The following DCC variants were observed in gnomAD, a reference collection of about 807,000 sequenced individuals.
The protein encoded by DCC is DCC netrin 1 receptor, also known as netrin receptor DCC.
In DCC, 58 loss-of-function variants were observed where a neutral mutation model predicts 172.5. That is an observed-to-expected ratio of 0.34 (90% confidence interval 0.27 to 0.42). The LOEUF (loss-of-function observed/expected upper bound fraction) is 0.42, where lower values mean the gene tolerates loss of function less well. DCC is among the 10% of genes least tolerant of loss of function. DCC has a pLI of 1.00. For synonymous variants in DCC, 709 were observed against 644.5 expected, an observed-to-expected ratio of 1.10 and a Z score of -1.52; for missense variants, 1,740 against 1,791.0, an observed-to-expected ratio of 0.97 and a Z score of 0.51.
At chr18:53,043,394 A>T (rs1339724396) in intron 5 of DCC, among the ~76,000 whole-genome samples, 1 of 151,954 alleles carries the variant, frequency 6.6e-6, no homozygotes, top group Non-Finnish European at 1.5e-5. Context: ...GCAAACCACC[A>T]TGGCACATGT....
intron 27 of DCC, among the ~76,000 whole-genome samples, chr18:53,523,971 A>G (rs1279313684): frequency 6.6e-6 from 1 of 152,166 alleles, no homozygotes; most frequent in East Asian, 1.9e-4. Flanking sequence ...TAGTAAAATT[A>G]TGATTATCAG....
intron 7 of DCC, among the ~76,000 whole-genome samples, chr18:53,141,168 G>T (rs1250192177): frequency 6.6e-6 from 1 of 152,086 alleles, no homozygotes; most frequent in African/African-American, 2.4e-5. Context: ...CTTTCTTCAT[G>T]ATTATTATTG....
intron 16 of DCC, among the ~76,000 whole-genome samples, chr18:53,387,209 A>T (rs1236503753): frequency 6.6e-6 from 1 of 152,194 alleles, no homozygotes; most frequent in Non-Finnish European, 1.5e-5. Flanking sequence ...AACTTAGTGC[A>T]GTTTGTTTGC....
intron 1 of DCC, among the ~76,000 whole-genome samples, chr18:52,641,431 A>C (rs143850658): frequency 6.6e-6 from 1 of 152,326 alleles, no homozygotes; most frequent in Non-Finnish European, 1.5e-5. Flanking sequence ...CAGACAATCC[A>C]CAGAGTGGGA....
chr18:53,005,456 G>A (rs1446379657), intron 5 of DCC, among the ~76,000 whole-genome samples: 1 of 152,152 alleles, frequency 6.6e-6, no homozygotes, highest in African/African-American at 2.4e-5. Flanking sequence ...TCTTGTCGCT[G>A]AGCATGGTGG....
At chr18:53,210,491 G>A (rs1345466707) in intron 11 of DCC, among the ~76,000 whole-genome samples, 1 of 152,094 alleles carries the variant, frequency 6.6e-6, no homozygotes, top group Non-Finnish European at 1.5e-5. Flanking sequence ...CCCTAAATAT[G>A]AAGGATGCTG....
chr18:52,803,037 ATCTG>A (rs1428564504), intron 2 of DCC, among the ~76,000 whole-genome samples: 7 of 152,248 alleles, frequency 4.6e-5, no homozygotes, highest in African/African-American at 1.7e-4. Context: ...AAGATGAATA[ATCTG>A]TCTGAAGTGG....
chr18:52,354,497 G>T (rs2163562), intron 1 of DCC, among the ~76,000 whole-genome samples: 51,726 of 151,914 alleles, frequency 0.34, 9,221 homozygotes, highest in East Asian at 0.51. Context: ...AAAACTGAAG[G>T]TTTTTTTAAC....
intron 1 of DCC, among the ~76,000 whole-genome samples, chr18:52,681,379 G>A (rs2035748095): frequency 6.6e-6 from 1 of 151,996 alleles, no homozygotes; most frequent in Middle Eastern, 3.2e-3. Context: ...CATGCTATCA[G>A]GGAGATGATG....
intron 2 of DCC, among the ~76,000 whole-genome samples, chr18:52,822,258 G>T (rs1472370788): frequency 6.6e-6 from 1 of 152,136 alleles, no homozygotes; most frequent in Non-Finnish European, 1.5e-5. Context: ...ATTCCAACAG[G>T]CAATACCACT....
intron 7 of DCC, among the ~76,000 whole-genome samples, chr18:53,116,829 C>T (rs2043415909): frequency 6.6e-6 from 1 of 151,606 alleles, no homozygotes; most frequent in Non-Finnish European, 1.5e-5. Flanking sequence ...TTTTAAAAAA[C>T]AGTACACATT....
At chr18:53,333,027 G>A (rs973208692) in intron 14 of DCC, among the ~76,000 whole-genome samples, 18 of 150,074 alleles carry the variant, frequency 1.2e-4, no homozygotes, top group Middle Eastern at 3.6e-3. Context: ...CTAGCATTGC[G>A]CTACTGCGCT....
At position 52,966,501 on chromosome 18, in the gene DCC, G is replaced by C. The variant is rs145851661; in HGVS notation, c.985+41131G>C. On this transcript the variant is annotated intron_variant, in intron 5 of 28. Coordinates refer to ENST00000442544, the MANE Select transcript of DCC (RefSeq NM_005215.4). ...CCCAGGAGACTGACACAGGCTCTTGGGACAGCTGGCTTCTGGTGGAGGGAC... is the reference window on the plus strand; with the variant it reads ...CCCAGGAGACTGACACAGGCTCTTGCGACAGCTGGCTTCTGGTGGAGGGAC... Among the ~76,000 whole-genome samples the C allele has an allele frequency of 8.5e-5, 13 of 152,148 alleles. 1 individual carries two copies. Among genetic ancestry groups the C allele is most frequent in the South Asian group, 4.1e-4 (2 of 4,822 alleles).
chr18:52,725,429 T>C (rs1018103368), intron 1 of DCC, among the ~76,000 whole-genome samples: 2 of 152,200 alleles, frequency 1.3e-5, no homozygotes, highest in South Asian at 4.1e-4. Flanking sequence ...CATAATAGAA[T>C]AATGTTCATA....
At chr18:52,595,803 AC>A (rs1390847357) in intron 1 of DCC, among the ~76,000 whole-genome samples, 10 of 150,894 alleles carry the variant, frequency 6.6e-5, no homozygotes, top group African/African-American at 2.0e-4. Context: ...CTCTGAAAGC[AC>A]TGAACTTTAC....
intron 2 of DCC, among the ~76,000 whole-genome samples, chr18:52,805,498 G>C (rs970743623): frequency 5.9e-5 from 9 of 152,186 alleles, no homozygotes; most frequent in African/African-American, 1.7e-4. Context: ...AGGGAGGAGA[G>C]AGAAGAGCCA....
chr18:53,509,809 TTTG>T (rs1260714180), intron 27 of DCC, among the ~76,000 whole-genome samples: 1 of 152,198 alleles, frequency 6.6e-6, no homozygotes, highest in African/African-American at 2.4e-5. Flanking sequence ...CTGTTTTTCT[TTTG>T]TTTTGTTTTT....
intron 1 of DCC, among the ~76,000 whole-genome samples, chr18:52,491,359 T>A (rs1450206779): frequency 6.6e-6 from 1 of 152,002 alleles, no homozygotes; most frequent in Non-Finnish European, 1.5e-5. Flanking sequence ...AACTGTGGTA[T>A]GATACATAAA....
chr18:53,291,241 G>A (rs555603178), intron 12 of DCC, among the ~76,000 whole-genome samples: 15 of 151,942 alleles, frequency 9.9e-5, no homozygotes, highest in African/African-American at 2.4e-4. Flanking sequence ...CTGATTAAGC[G>A]TTATACAGCC....
Sources: allele counts gnomAD v4.1 joint callset (sites outside exome capture counted in the v4.1 genomes callset), GRCh38; gene constraint gnomAD v4.1.1; transcripts MANE v1.5; gene names NCBI Gene and HGNC (gene_info 2026-07-23, HGNC 2026-07-21).